Variants in BLOC1S3 observed in about 807,000 individuals in gnomAD.
The protein encoded by BLOC1S3 is biogenesis of lysosome-related organelles complex 1 subunit 3.
In BLOC1S3, 7 loss-of-function variants were observed where a neutral mutation model predicts 9.1. That is an observed-to-expected ratio of 0.77 (90% CI 0.44 to 1.45). The LOEUF (loss-of-function observed/expected upper bound fraction) is 1.45. BLOC1S3 is among the 40% of genes most tolerant of loss of function. The pLI, the probability that BLOC1S3 is intolerant of heterozygous loss-of-function variation, is 0.01. For synonymous variants in BLOC1S3, 145 were observed against 158.4 expected (o/e 0.92, Z 0.64); for missense variants, 307 against 315.2 (o/e 0.97, Z 0.20).
chr19:45,208,679 C>T (rs960485021), intron 3 of BLOC1S3, among the ~76,000 whole-genome samples: 1 of 151,494 alleles, frequency 6.6e-6, no homozygotes, highest in African/African-American at 2.4e-5. Context: ...CACTTGAATC[C>T]AGGAGGCTGA....
intron 3 of BLOC1S3, chr19:45,213,161 G>A (rs1009215326): frequency 1.3e-5 from 21 of 1,591,588 alleles, no homozygotes; most frequent in South Asian, 2.3e-5. Context: ...AGGGGGAGGC[G>A]GCCCAGGAAG....
intron 2 of BLOC1S3, among the ~76,000 whole-genome samples, chr19:45,192,484 C>T (rs1969613587): frequency 6.6e-6 from 1 of 152,048 alleles, no homozygotes; most frequent in African/African-American, 2.4e-5. Context: ...CTTCCTTGAG[C>T]AGTAGGAGCC....
At chr19:45,209,086 T>C (rs1380727749) in intron 3 of BLOC1S3, among the ~76,000 whole-genome samples, 1 of 152,118 alleles carries the variant, frequency 6.6e-6, no homozygotes, top group Non-Finnish European at 1.5e-5. Context: ...TCTCTCTCTG[T>C]TGCCCAGGCT....
intron 3 of BLOC1S3, among the ~76,000 whole-genome samples, chr19:45,210,643 A>G (rs1045545090): frequency 6.6e-6 from 1 of 150,422 alleles, no homozygotes; most frequent in African/African-American, 2.4e-5. Context: ...CTCACCTATC[A>G]TCTAGGCTAC....
intron 2 of BLOC1S3, among the ~76,000 whole-genome samples, chr19:45,188,288 G>T (rs1055055676): frequency 1.1e-4 from 16 of 152,244 alleles, no homozygotes; most frequent in African/African-American, 3.9e-4. Context: ...CTCCCAGAGT[G>T]CTGGGATTAT....
At chr19:45,216,343 C>T in intron 3 of BLOC1S3, 1 of 1,140,414 alleles carries the variant, frequency 8.8e-7, no homozygotes, top group Non-Finnish European at 1.2e-6. Flanking sequence ...TGGGAGGAGG[C>T]CGAGGCGGGT....
At chr19:45,184,467 G>A (rs189141541), downstream of BLOC1S3, among the ~76,000 whole-genome samples, 22 of 152,232 alleles carry the variant, frequency 1.4e-4, no homozygotes, top group Admixed American at 3.3e-4. Context: ...CTAGCTGAGC[G>A]TGGTGGTGTG....
At chr19:45,200,461 T>C (rs1969682272) in intron 2 of BLOC1S3, among the ~76,000 whole-genome samples, 1 of 152,210 alleles carries the variant, frequency 6.6e-6, no homozygotes, top group Non-Finnish European at 1.5e-5. Context: ...GGATTACAGG[T>C]GTGAGACACC....
Position 45,179,774 on chromosome 19 carries a change from G to C in BLOC1S3, c.478G>C (p.Val160Leu). The C allele has an allele frequency of 1.3e-6, 2 of 1,544,002 alleles. No homozygotes were observed. Among genetic ancestry groups the C allele is most frequent in the Non-Finnish European group, 1.7e-6 (2 of 1,152,228 alleles). Residue 160 changes from valine to leucine, a missense_variant, in exon 2 of 2, where the codon GTG becomes CTG. Coordinates refer to ENST00000433642, the MANE Select transcript of BLOC1S3 (RefSeq NM_212550.5). The surrounding 1 kb of genome is among the most constrained non-coding windows in gnomAD (Gnocchi z 4.6). The part of the protein sequence containing the change: ...QAAGLAAAHS[V>L]RLARGDLCAL... ...GGCGGGGCTGGCGGCGGCCCACAGC[G>C]TGCGCCTGGCGCGCGGGGACCTTTG...
At chr19:45,207,721 A>G (rs1969738639) in intron 3 of BLOC1S3, among the ~76,000 whole-genome samples, 1 of 151,998 alleles carries the variant, frequency 6.6e-6, no homozygotes, top group South Asian at 2.1e-4. Context: ...TGGGAGACAG[A>G]GCGAGACTCC....
chr19:45,213,780 A>C (rs1254952409), intron 3 of BLOC1S3, among the ~76,000 whole-genome samples: 1 of 150,330 alleles, frequency 6.7e-6, no homozygotes, highest in Admixed American at 6.6e-5. Flanking sequence ...CCCTCTCTCT[A>C]CTAAAAATAC....
At chr19:45,191,665 C>T (rs939311394) in intron 2 of BLOC1S3, among the ~76,000 whole-genome samples, 5 of 152,228 alleles carry the variant, frequency 3.3e-5, no homozygotes, top group South Asian at 2.1e-4. Flanking sequence ...CCAGGAATGC[C>T]GTGGCCCTTG....
In BLOC1S3 at chr19:45,179,493, A is replaced by C; in HGVS notation, c.197A>C (p.Glu66Ala). ...VAGEAAETDS[E>A]PEPEPEPTAA... is the part of the protein sequence containing the mutation. ...GGGGAAGCCGCGGAGACCGACTCGG[A>C]GCCGGAGCCGGAGCCGGAACCGACG... The change falls in exon 2 of 2, where the codon GAG becomes GCG. Residue 66 changes from glutamate (E) to alanine (A), a missense_variant. By Grantham distance (107) the Glu-to-Ala change is moderately radical. Transcript: ENST00000433642. This position sits in a 1 kb window ranked among gnomAD's most constrained non-coding sequence, Gnocchi z 4.6. The C allele has an allele frequency of 6.6e-7, 1 of 1,522,294 alleles. No individual in the cohort carries two copies. Among genetic ancestry groups the C allele is most frequent in the Non-Finnish European group, 8.8e-7 (1 of 1,141,744 alleles). The allele number at this position is 1,522,294 out of a possible 1,614,324, so 94.3% of individuals were successfully genotyped here.
intron 3 of BLOC1S3, among the ~76,000 whole-genome samples, chr19:45,214,045 C>T (rs780205883): frequency 6.6e-6 from 1 of 152,078 alleles, no homozygotes; most frequent in Non-Finnish European, 1.5e-5. Context: ...CCCCCTAAAC[C>T]CAACCCAGCT....
chr19:45,184,614 A>G (rs1175843064), downstream of BLOC1S3, among the ~76,000 whole-genome samples: 3 of 151,908 alleles, frequency 2.0e-5, no homozygotes, highest in East Asian at 5.8e-4. Context: ...TCAAAATAAA[A>G]AAGGGGCCGG....
At position 45,181,213 on chromosome 19, in the gene BLOC1S3, A is replaced by C. The variant is rs755664764; in HGVS notation, c.*1308A>C. ...TGCTTTCTTTTACTGTCTCCATCCTACTTACACCTCCCTGATCCTGGGGTC... is the reference window on the plus strand; with the variant it reads ...TGCTTTCTTTTACTGTCTCCATCCTCCTTACACCTCCCTGATCCTGGGGTC... On this transcript the variant is annotated 3_prime_UTR_variant, in exon 2 of 2. Transcript: ENST00000433642. 6.0e-6 allele frequency: 1 copy of C among 167,052 alleles called. No homozygotes were observed. The highest frequency in any genetic ancestry group is 1.5e-5 in the Non-Finnish European group (1 of 68,220). The allele number at this position is 167,052 out of a possible 1,614,324, so 10.3% of individuals were successfully genotyped here.
Position 45,179,927 on chromosome 19 carries a change from T to A in BLOC1S3, c.*22T>A. 1 of 1,602,314 alleles carries A rather than the reference T, an allele frequency of 6.2e-7. No homozygotes were observed. Among genetic ancestry groups the A allele is most frequent in the Non-Finnish European group, 8.5e-7 (1 of 1,174,658 alleles). On this transcript the variant is annotated 3_prime_UTR_variant, in exon 2 of 2. Coordinates refer to ENST00000433642, the MANE Select transcript of BLOC1S3 (RefSeq NM_212550.5). This position sits in a 1 kb window ranked among gnomAD's most constrained non-coding sequence, Gnocchi z 4.6. ...CTAGCCATGATTCTACTTCCCAACCTGACTGCAATTTGGGGGTAGGCCTTG... is the reference window on the plus strand; with the variant it reads ...CTAGCCATGATTCTACTTCCCAACCAGACTGCAATTTGGGGGTAGGCCTTG...
intron 2 of BLOC1S3, among the ~76,000 whole-genome samples, chr19:45,190,820 T>TTATTTTATTTTA (rs1599751331): frequency 6.7e-6 from 1 of 148,248 alleles, no homozygotes; most frequent in African/African-American, 2.5e-5. Flanking sequence ...TTATTTTATT[T>TTATTTTATTTTA]TTTGAGAGAG....
chr19:45,213,742 C>G (rs547242327), intron 3 of BLOC1S3, among the ~76,000 whole-genome samples: 1 of 151,554 alleles, frequency 6.6e-6, no homozygotes, highest in South Asian at 2.1e-4. Context: ...GTCAGGAGTT[C>G]GAGACCAGCC....
Sources: gnomAD v4.1 joint callset for allele counts (sites outside exome capture counted in the v4.1 genomes callset) on GRCh38, gnomAD v4.1.1 for gene constraint, Gnocchi (gnomAD v3.1) non-coding constraint, MANE v1.5 for transcripts, NCBI Gene and HGNC (gene_info 2026-07-23, HGNC 2026-07-21) for gene names.